RSF1: variants seen among roughly 807,000 people sequenced by gnomAD.
RSF1 encodes HBV pX-associated protein 8.
Under a neutral mutation model 145.2 loss-of-function variants are expected in RSF1, and 13 were observed. The ratio of observed to expected loss-of-function variants is 0.09; its 90% CI spans 0.06 to 0.14. The LOEUF is 0.14. Ranked by LOEUF, RSF1 falls within the 10% of genes least tolerant of loss-of-function variation. The probability of loss-of-function intolerance (pLI) is 1.00; values close to 1 mark genes in which losing one functional copy is unlikely to be tolerated. For synonymous variants in RSF1, 577 were observed against 592.6 expected (o/e 0.97, Z 0.38); for missense variants, 1,517 against 1,718.2 (o/e 0.88, Z 2.07).
intron 1 of RSF1, among the ~76,000 whole-genome samples, chr11:77,817,894 C>T (rs893245874): frequency 2.0e-5 from 3 of 152,050 alleles, no homozygotes; most frequent in Non-Finnish European, 4.4e-5. Context: ...GCTGATAAAA[C>T]GACAGAGGTT....
At chr11:77,830,337 G>A in the RSF1 span, among the ~76,000 whole-genome samples, 1 of 152,130 alleles carries the variant, frequency 6.6e-6, no homozygotes, top group Non-Finnish European at 1.5e-5. Context: ...AACTGATACT[G>A]CCCTGCCACC....
the RSF1 span, chr11:77,829,507 G>C: frequency 1.3e-5 from 2 of 152,206 alleles, no homozygotes; most frequent in Admixed American, 1.3e-4. Flanking sequence ...ATCTAATGGG[G>C]AAAGAATAGT....
intron 5 of RSF1, among the ~76,000 whole-genome samples, chr11:77,714,219 C>T (rs1960753288): frequency 6.6e-6 from 1 of 152,160 alleles, no homozygotes; most frequent in South Asian, 2.1e-4. Context: ...CCTGGAAAGG[C>T]TTTGGGTGGT....
intron 11 of RSF1, among the ~76,000 whole-genome samples, chr11:77,682,134 T>G (rs1470264634): frequency 6.6e-6 from 1 of 152,200 alleles, no homozygotes; most frequent in Non-Finnish European, 1.5e-5. Context: ...AGAAGAAAAC[T>G]TTTTATTTTT....
chr11:77,832,357 G>A, the RSF1 span, among the ~76,000 whole-genome samples: 23 of 150,178 alleles, frequency 1.5e-4, no homozygotes, highest in Middle Eastern at 3.4e-3. Flanking sequence ...ACGGCGTTTC[G>A]CTCTTGTTGC....
At chr11:77,704,265 C>T (rs1157029777) in intron 5 of RSF1, among the ~76,000 whole-genome samples, 1 of 152,176 alleles carries the variant, frequency 6.6e-6, no homozygotes, top group African/African-American at 2.4e-5. Context: ...CACCACATTC[C>T]AGCCTGGATA....
chr11:77,747,710 C>G (rs1283982341), intron 2 of RSF1, among the ~76,000 whole-genome samples: 1 of 152,152 alleles, frequency 6.6e-6, no homozygotes, highest in Non-Finnish European at 1.5e-5. Flanking sequence ...GAAAGAAGAT[C>G]TGAATAACCA....
At chr11:77,670,366 C>T (rs552300143) in intron 15 of RSF1, among the ~76,000 whole-genome samples, 1 of 152,308 alleles carries the variant, frequency 6.6e-6, no homozygotes, top group East Asian at 1.9e-4. Context: ...TCACACACAA[C>T]ATTTCTTTCA....
chr11:77,844,168 G>A, the RSF1 span, among the ~76,000 whole-genome samples: 1 of 152,174 alleles, frequency 6.6e-6, no homozygotes, highest in Non-Finnish European at 1.5e-5. Flanking sequence ...AGTGGAAAGA[G>A]AGGTAGCTAG....
chr11:77,698,705 T>A lies in RSF1; in HGVS notation c.2509-12A>T, dbSNP rs760963833. ...CCTTTGGGTTTTACCTTGTATAAAA[T>A]AAAAAAAATTGGGATAATTTGATAT... On this transcript the variant is annotated splice_polypyrimidine_tract_variant and intron_variant, in intron 6 of 15. Transcript: ENST00000308488. The A allele has an allele frequency of 3.1e-6, 5 of 1,605,434 alleles. No homozygotes were observed. Among genetic ancestry groups the A allele is most frequent in the Non-Finnish European group, 2.6e-6 (3 of 1,173,698 alleles).
the RSF1 span, chr11:77,829,699 A>T: frequency 2.0e-5 from 3 of 152,236 alleles, no homozygotes; most frequent in Non-Finnish European, 4.4e-5. Context: ...ATGGCAATGG[A>T]TTCTTAGAAA....
the RSF1 span, chr11:77,842,602 TG>T: frequency 1.3e-4 from 211 of 1,613,968 alleles, 2 homozygotes; most frequent in South Asian, 1.8e-3. Flanking sequence ...TAGTCGGACT[TG>T]GGATTGGAGA....
At chr11:77,804,114 G>A (rs1948654136) in intron 1 of RSF1, among the ~76,000 whole-genome samples, 1 of 152,150 alleles carries the variant, frequency 6.6e-6, no homozygotes, top group African/African-American at 2.4e-5. Flanking sequence ...TTCCTGACTG[G>A]TGAACACAAT....
chr11:77,751,987 T>G (rs1948067966), intron 2 of RSF1, among the ~76,000 whole-genome samples: 1 of 152,156 alleles, frequency 6.6e-6, no homozygotes, highest in African/African-American at 2.4e-5. Context: ...TCCACAAATA[T>G]TACTATGTGC....
intron 4 of RSF1, among the ~76,000 whole-genome samples, chr11:77,726,402 A>G (rs1961054354): frequency 6.6e-6 from 1 of 152,150 alleles, no homozygotes; most frequent in South Asian, 2.1e-4. Context: ...TCCCAGGCTC[A>G]AGACCCTCCT....
At chr11:77,676,025 C>T (rs1959691862) in intron 13 of RSF1, among the ~76,000 whole-genome samples, 1 of 152,182 alleles carries the variant, frequency 6.6e-6, no homozygotes. Flanking sequence ...TCCTGCTATC[C>T]AGAGCCAACA....
intron 14 of RSF1, among the ~76,000 whole-genome samples, chr11:77,673,035 T>C (rs1244912197): frequency 1.3e-5 from 2 of 152,208 alleles, no homozygotes; most frequent in African/African-American, 4.8e-5. Flanking sequence ...GACCTACAGC[T>C]ACCTGGTCAG....
chr11:77,668,357 G>A (rs1467554760), intron 15 of RSF1, among the ~76,000 whole-genome samples: 2 of 152,156 alleles, frequency 1.3e-5, no homozygotes, highest in East Asian at 1.9e-4. Flanking sequence ...AATGAAGATA[G>A]GTTAGTTCAA....
intron 1 of RSF1, among the ~76,000 whole-genome samples, chr11:77,766,957 A>G (rs1948232727): frequency 6.6e-6 from 1 of 152,206 alleles, no homozygotes; most frequent in Non-Finnish European, 1.5e-5. Flanking sequence ...AAGTGGACAG[A>G]TCTGAGAAAT....
Sources: allele counts gnomAD v4.1 joint callset (sites outside exome capture counted in the v4.1 genomes callset), GRCh38; gene constraint gnomAD v4.1.1; transcripts MANE v1.5; gene names NCBI Gene and HGNC (gene_info 2026-07-23, HGNC 2026-07-21).